ATRNL1: variants seen among roughly 807,000 people sequenced by gnomAD.
ATRNL1 encodes the protein attractin like 1.
A neutral mutation model predicts 182.7 loss-of-function variants in ATRNL1; 95 were observed. That is an observed-to-expected ratio of 0.52 (90% CI 0.44 to 0.62). The LOEUF (loss-of-function observed/expected upper bound fraction) is 0.62, where lower values mean the gene tolerates loss of function less well. Ranked by LOEUF, ATRNL1 falls within the 20% of genes least tolerant of loss-of-function variation. The probability of loss-of-function intolerance (pLI) is 0.00; values close to 1 mark genes in which losing one functional copy is unlikely to be tolerated. For synonymous variants in ATRNL1, 576 were observed against 568.3 expected (o/e 1.01, Z -0.19); for missense variants, 1,471 against 1,679.5 (o/e 0.88, Z 2.17).
At chr10:115,395,794 T>TTTAGGCTA (rs1476620485) in intron 20 of ATRNL1, among the ~76,000 whole-genome samples, 4 of 151,784 alleles carry the variant, frequency 2.6e-5, no homozygotes, top group African/African-American at 7.2e-5. Flanking sequence ...AAGGCAGCAT[T>TTTAGGCTA]TTAGGCTATT....
At chr10:115,337,752 TA>T (rs1422423526) in intron 19 of ATRNL1, among the ~76,000 whole-genome samples, 10 of 152,266 alleles carry the variant, frequency 6.6e-5, no homozygotes, top group African/African-American at 2.2e-4. Flanking sequence ...ATGAATGCCA[TA>T]AAAAATATAT....
chr10:115,789,128 G>A (rs1052026380), intron 27 of ATRNL1, among the ~76,000 whole-genome samples: 29 of 152,168 alleles, frequency 1.9e-4, no homozygotes, highest in Non-Finnish European at 3.8e-4. Flanking sequence ...TTCGTCTTTT[G>A]CAGAAAGCTT....
intron 26 of ATRNL1, among the ~76,000 whole-genome samples, chr10:115,623,291 A>T (rs1450835366): frequency 6.6e-6 from 1 of 152,214 alleles, no homozygotes; most frequent in Non-Finnish European, 1.5e-5. Flanking sequence ...GACAGACCGC[A>T]TTCTGTTACT....
chr10:115,718,860 A>G (rs1442292771), intron 26 of ATRNL1, among the ~76,000 whole-genome samples: 1 of 152,216 alleles, frequency 6.6e-6, no homozygotes, highest in Non-Finnish European at 1.5e-5. Flanking sequence ...GCCTGCTTCC[A>G]GTTTTCTGGC....
intron 19 of ATRNL1, among the ~76,000 whole-genome samples, chr10:115,339,139 T>C (rs1020633721): frequency 5.9e-5 from 9 of 152,322 alleles, no homozygotes; most frequent in African/African-American, 1.7e-4. Context: ...TTAGTATACC[T>C]TGAAGTCAGG....
At chr10:115,461,021 G>T (rs1197696889) in intron 21 of ATRNL1, among the ~76,000 whole-genome samples, 2 of 151,832 alleles carry the variant, frequency 1.3e-5, no homozygotes, top group Non-Finnish European at 2.9e-5. Context: ...TAAATATATA[G>T]GTTGAATCTT....
At chr10:115,120,692 A>C (rs1309307843) in intron 2 of ATRNL1, among the ~76,000 whole-genome samples, 5 of 152,130 alleles carry the variant, frequency 3.3e-5, no homozygotes, top group African/African-American at 1.2e-4. Context: ...ATTTTCAGTA[A>C]GTAGGGCTTG....
In ATRNL1 at chr10:115,536,423, G is replaced by A. The variant is rs963352306; in HGVS notation, c.3717-13035G>A. ...CGTAGGACCCTCCGAGCCAGGTGTGGGATATAATCTCCTGGTGCGCCATTT... is the reference window on the plus strand; with the variant it reads ...CGTAGGACCCTCCGAGCCAGGTGTGAGATATAATCTCCTGGTGCGCCATTT... On this transcript the variant is annotated intron_variant, in intron 25 of 28. Transcript: ENST00000355044. Among the ~76,000 whole-genome samples the A allele has an allele frequency of 3.3e-5, 5 of 152,198 alleles. No individual in the cohort carries two copies. In the South Asian group the frequency reaches 8.3e-4, roughly 25 times the overall value.
chr10:115,252,090 G>A (rs999820999), intron 10 of ATRNL1, among the ~76,000 whole-genome samples: 17 of 152,004 alleles, frequency 1.1e-4, no homozygotes, highest in Non-Finnish European at 2.2e-4. Context: ...GCAGTGGTTC[G>A]ATCTTGGCTC....
At position 115,736,814 on chromosome 10, in the gene ATRNL1, C is replaced by A. The variant is rs546291931; in HGVS notation, c.3903+9459C>A. 4.7e-4 allele frequency among the ~76,000 whole-genome samples: 72 copies of A among 152,226 alleles called. 2 individuals carry two copies. The South Asian group carries it at 0.014, about 30-fold the overall frequency. On this transcript the variant is annotated intron_variant, in intron 27 of 28. Coordinates refer to ENST00000355044, the MANE Select transcript of ATRNL1 (RefSeq NM_207303.4). ...ACGGCGTCTTGCTCTGTCGCCCAGGCTGGAGTGCAGTGGCATGATCTCAGC... is the reference window on the plus strand; with the variant it reads ...ACGGCGTCTTGCTCTGTCGCCCAGGATGGAGTGCAGTGGCATGATCTCAGC...
intron 19 of ATRNL1, among the ~76,000 whole-genome samples, chr10:115,366,311 G>C (rs1284135827): frequency 6.6e-6 from 1 of 151,652 alleles, no homozygotes; most frequent in Non-Finnish European, 1.5e-5. Context: ...TTGGTTTAAA[G>C]TCTGTTTTGT....
At chr10:115,599,271 T>G (rs1555015207) in intron 26 of ATRNL1, among the ~76,000 whole-genome samples, 1 of 152,182 alleles carries the variant, frequency 6.6e-6, no homozygotes, top group Non-Finnish European at 1.5e-5. Flanking sequence ...GTTTTTTCAT[T>G]TTTGTGAAAA....
chr10:115,468,252 G>T (rs1204100415), intron 23 of ATRNL1, among the ~76,000 whole-genome samples: 1 of 150,780 alleles, frequency 6.6e-6, no homozygotes, highest in East Asian at 1.9e-4. Context: ...AACTGTAAGG[G>T]TTTAAAAATG....
chr10:115,364,988 G>T (rs1163760435), intron 19 of ATRNL1, among the ~76,000 whole-genome samples: 3 of 150,200 alleles, frequency 2.0e-5, no homozygotes, highest in African/African-American at 4.9e-5. Flanking sequence ...TCTCTTTTTT[G>T]GTTGTGTCTC....
At chr10:115,512,789 G>T (rs1400284228) in intron 24 of ATRNL1, among the ~76,000 whole-genome samples, 1 of 151,868 alleles carries the variant, frequency 6.6e-6, no homozygotes, top group African/African-American at 2.4e-5. Flanking sequence ...TAAGGGGGTG[G>T]TAAATTACTT....
At chr10:115,882,372 G>C (rs1555108774) in intron 28 of ATRNL1, among the ~76,000 whole-genome samples, 1 of 152,110 alleles carries the variant, frequency 6.6e-6, no homozygotes, top group African/African-American at 2.4e-5. Flanking sequence ...CTAAATAAGT[G>C]GCCTTAAGAC....
intron 27 of ATRNL1, among the ~76,000 whole-genome samples, chr10:115,752,118 G>A (rs1948465944): frequency 1.3e-5 from 2 of 152,030 alleles, no homozygotes; most frequent in Admixed American, 1.3e-4. Flanking sequence ...TGAATCTTAT[G>A]AGAATTTCCT....
chr10:115,855,787 A>G (rs1555101781), intron 28 of ATRNL1, among the ~76,000 whole-genome samples: 2 of 152,202 alleles, frequency 1.3e-5, no homozygotes, highest in Non-Finnish European at 2.9e-5. Flanking sequence ...ACATCTATGA[A>G]AACTAACTTG....
Position 115,437,181 on chromosome 10 carries a change from A to G in ATRNL1, c.3322+10879A>G, listed in dbSNP as rs572151861. On this transcript the variant is annotated intron_variant, in intron 21 of 28. Transcript: ENST00000355044. ...GACTAGAAAGAACATGCAATGTTTG[A>G]GTTACTAAAAGAAAACCAATACTGA... Among the ~76,000 whole-genome samples, 221 of 152,194 alleles carry G rather than the reference A, an allele frequency of 1.5e-3. 1 individual carries two copies. Among genetic ancestry groups the G allele is most frequent in the Non-Finnish European group, 2.5e-3 (169 of 67,920 alleles).
Sources: gnomAD v4.1 joint callset for allele counts (sites outside exome capture counted in the v4.1 genomes callset) on GRCh38, gnomAD v4.1.1 for gene constraint, MANE v1.5 for transcripts, NCBI Gene and HGNC (gene_info 2026-07-23, HGNC 2026-07-21) for gene names.